Variants in CSMD1 observed in about 807,000 individuals in gnomAD.
CSMD1 encodes the protein CUB and Sushi multiple domains 1, also known as CUB and sushi domain-containing protein 1.
Under a neutral mutation model 417.5 loss-of-function variants are expected in CSMD1, and 213 were observed. The observed-to-expected ratio is 0.51, with a 90% CI of 0.46 to 0.57. The LOEUF (loss-of-function observed/expected upper bound fraction) is 0.57. Ranked by LOEUF, CSMD1 falls within the 20% of genes least tolerant of loss-of-function variation. The pLI is 0.00. For synonymous variants in CSMD1, 2,862 were observed against 1,736.8 expected (o/e 1.65, Z -16.11); for missense variants, 6,923 against 4,529.7 (o/e 1.53, Z -15.17).
At chr8:3,511,756 T>TAA (rs138859130) in intron 10 of CSMD1, among the ~76,000 whole-genome samples, 1 of 75,426 alleles carries the variant, frequency 1.3e-5, no homozygotes, top group African/African-American at 4.7e-5. Context: ...ACTCCATCTC[T>TAA]AAAAAAATAA....
intron 69 of CSMD1, among the ~76,000 whole-genome samples, chr8:2,942,247 G>A (rs915717592): frequency 4.0e-5 from 6 of 151,618 alleles, no homozygotes; most frequent in African/African-American, 1.5e-4. Flanking sequence ...GTGATGGGTT[G>A]ATCCATGCAG....
At chr8:4,960,527 T>C (rs1309018084) in intron 1 of CSMD1, among the ~76,000 whole-genome samples, 2 of 152,190 alleles carry the variant, frequency 1.3e-5, no homozygotes, top group Admixed American at 1.3e-4. Context: ...AGATGTAAAG[T>C]TAAGCGCTTG....
chr8:3,645,690 G>A (rs1001290495), intron 7 of CSMD1, among the ~76,000 whole-genome samples: 1 of 152,178 alleles, frequency 6.6e-6, no homozygotes, highest in African/African-American at 2.4e-5. Context: ...CATTGCCTTT[G>A]AAAGAACTTT....
intron 1 of CSMD1, among the ~76,000 whole-genome samples, chr8:4,720,594 TTAAA>T (rs1333953379): frequency 6.6e-6 from 1 of 152,114 alleles, no homozygotes; most frequent in Non-Finnish European, 1.5e-5. Context: ...ATTTCTGTAT[TTAAA>T]TAGAGACAGG....
chr8:4,845,626 G>C (rs932533879), intron 1 of CSMD1, among the ~76,000 whole-genome samples: 1 of 152,182 alleles, frequency 6.6e-6, no homozygotes, highest in Non-Finnish European at 1.5e-5. Context: ...TCTTTTAGGA[G>C]CTTTGCATTC....
intron 5 of CSMD1, among the ~76,000 whole-genome samples, chr8:3,789,309 G>C (rs1445760641): frequency 1.3e-5 from 2 of 150,540 alleles, no homozygotes; most frequent in Non-Finnish European, 2.9e-5. Flanking sequence ...TATATTTATT[G>C]TGACAGCCCC....
chr8:3,341,153 A>G (rs1355855340), intron 23 of CSMD1, among the ~76,000 whole-genome samples: 1 of 152,154 alleles, frequency 6.6e-6, no homozygotes, highest in Non-Finnish European at 1.5e-5. Context: ...GGGTCCAGGC[A>G]GGGCTGAGCC....
In CSMD1 at chr8:3,349,796, T is replaced by C. The variant is rs533555715; in HGVS notation, c.3305-1635A>G. Among the ~76,000 whole-genome samples, 318 of 91,752 alleles carry C rather than the reference T, an allele frequency of 3.5e-3. 1 individual carries two copies. Among genetic ancestry groups the C allele is most frequent in the African/African-American group, 0.011 (284 of 25,156 alleles). 60.2% of individuals were successfully genotyped at this position (91,752 alleles called of 152,430 possible). A position where few individuals can be genotyped will look rare whatever the true frequency, so the allele number is the denominator to read the frequency against. On this transcript the variant is annotated intron_variant, in intron 21 of 69. Coordinates refer to ENST00000635120, the MANE Select transcript of CSMD1 (RefSeq NM_033225.6). Reference sequence around the variant, plus strand: ...ATATAAGTCTAAATATAAATATATCTATAAATAGATATAAATATACATATA... The same window carrying C: ...ATATAAGTCTAAATATAAATATATCCATAAATAGATATAAATATACATATA...
chr8:3,165,847 GA>G (rs1286331218), intron 37 of CSMD1, among the ~76,000 whole-genome samples: 1 of 152,236 alleles, frequency 6.6e-6, no homozygotes, highest in Non-Finnish European at 1.5e-5. Flanking sequence ...GGAATGCGGT[GA>G]AACCTTCTGA....
intron 1 of CSMD1, among the ~76,000 whole-genome samples, chr8:4,819,623 A>G (rs1799406676): frequency 6.6e-6 from 1 of 152,172 alleles, no homozygotes; most frequent in South Asian, 2.1e-4. Context: ...TAAGATTGGA[A>G]TATCAAATAC....
At chr8:4,108,226 A>G (rs780849434) in intron 3 of CSMD1, among the ~76,000 whole-genome samples, 2 of 152,158 alleles carry the variant, frequency 1.3e-5, no homozygotes, top group Non-Finnish European at 2.9e-5. Context: ...AGTCCTTCGT[A>G]AACATTTAAT....
At chr8:3,521,600 G>A (rs1047387929) in intron 10 of CSMD1, among the ~76,000 whole-genome samples, 1 of 152,138 alleles carries the variant, frequency 6.6e-6, no homozygotes, top group Non-Finnish European at 1.5e-5. Flanking sequence ...CCTTCTTGGT[G>A]TTTAGCTAAA....
intron 3 of CSMD1, among the ~76,000 whole-genome samples, chr8:4,265,151 A>G (rs187426728): frequency 1.5e-3 from 232 of 152,320 alleles, no homozygotes; most frequent in African/African-American, 5.3e-3. Flanking sequence ...CTCGACTATT[A>G]TTAGTAAAAA....
At chr8:3,305,411 T>C (rs1233149734) in intron 25 of CSMD1, among the ~76,000 whole-genome samples, 2 of 151,824 alleles carry the variant, frequency 1.3e-5, no homozygotes, top group East Asian at 1.9e-4. Flanking sequence ...TGTAGCCATA[T>C]TGAAAGTGGG....
intron 7 of CSMD1, among the ~76,000 whole-genome samples, chr8:3,682,238 A>C (rs1398343782): frequency 1.3e-5 from 2 of 152,198 alleles, no homozygotes; most frequent in African/African-American, 2.4e-5. Flanking sequence ...AGAAACTACC[A>C]TCAGAGTGAA....
At chr8:3,256,165 T>G (rs1464763250) in intron 26 of CSMD1, among the ~76,000 whole-genome samples, 1 of 151,840 alleles carries the variant, frequency 6.6e-6, no homozygotes, top group Non-Finnish European at 1.5e-5. Context: ...TCCTCTGTAC[T>G]AAAAATATAA....
intron 7 of CSMD1, among the ~76,000 whole-genome samples, chr8:3,644,098 A>C (rs775195525): frequency 1.3e-5 from 2 of 152,192 alleles, no homozygotes; most frequent in Non-Finnish European, 2.9e-5. Flanking sequence ...GCCCTTCTAC[A>C]CCAGAAACAT....
At chr8:4,893,213 T>C (rs147494047) in intron 1 of CSMD1, among the ~76,000 whole-genome samples, 1 of 152,174 alleles carries the variant, frequency 6.6e-6, no homozygotes, top group African/African-American at 2.4e-5. Flanking sequence ...ATAGTTGTAT[T>C]GGTATCTGAA....
At chr8:3,658,324 C>T (rs182194884) in intron 7 of CSMD1, among the ~76,000 whole-genome samples, 55 of 151,930 alleles carry the variant, frequency 3.6e-4, no homozygotes, top group South Asian at 2.3e-3. Context: ...TATAGATTTA[C>T]TTAAATCACT....
Sources: allele counts gnomAD v4.1 joint callset (sites outside exome capture counted in the v4.1 genomes callset), GRCh38; gene constraint gnomAD v4.1.1; transcripts MANE v1.5; gene names NCBI Gene and HGNC (gene_info 2026-07-23, HGNC 2026-07-21).